Variants in SYNE1 observed in about 807,000 individuals in gnomAD.
The protein encoded by SYNE1 is nesprin-1.
Under a neutral mutation model 1,111.0 loss-of-function variants are expected in SYNE1, and 616 were observed. The ratio of observed to expected loss-of-function variants is 0.55; its 90% CI spans 0.52 to 0.59. The LOEUF (loss-of-function observed/expected upper bound fraction) is 0.59, where lower values mean the gene tolerates loss of function less well. SYNE1 is among the 20% of genes least tolerant of loss of function. SYNE1 has a pLI of 0.00. For synonymous variants in SYNE1, 3,855 were observed against 3,825.8 expected, an observed-to-expected ratio of 1.01 and a Z score of -0.28; for missense variants, 10,006 against 10,417.0, an observed-to-expected ratio of 0.96 and a Z score of 1.72.
chr6:152,264,885 T>G (rs1302052109), intron 100 of SYNE1, among the ~76,000 whole-genome samples: 1 of 151,946 alleles, frequency 6.6e-6, no homozygotes, highest in Non-Finnish European at 1.5e-5. Context: ...CTGAGAGACA[T>G]GTAGGAAGTT....
chr6:152,244,737 G>A, intron 105 of SYNE1, 81 bp from the exon 106 acceptor site: 1 of 1,558,720 alleles, frequency 6.4e-7, no homozygotes, highest in Non-Finnish European at 8.8e-7. Context: ...ATCTCTTTCT[G>A]TGTTCCTCCT....
intron 121 of SYNE1, among the ~76,000 whole-genome samples, chr6:152,216,838 A>G (rs1371543127): frequency 6.6e-6 from 1 of 152,090 alleles, no homozygotes; most frequent in Admixed American, 6.5e-5. Context: ...GGCGGATCAC[A>G]AGGTCAGGAG....
chr6:152,564,002 T>G (rs957043992), intron 3 of SYNE1, among the ~76,000 whole-genome samples: 8 of 152,090 alleles, frequency 5.3e-5, no homozygotes, highest in African/African-American at 1.9e-4. Context: ...ACATAAAATA[T>G]CAGTTAAAGA....
rs1460449185 is a variant in SYNE1, at chr6:152,145,948, C to T, written c.24976+2097G>A. On this transcript the variant is annotated intron_variant, in intron 137 of 145. Coordinates refer to ENST00000367255, the MANE Select transcript of SYNE1 (RefSeq NM_182961.4). ...TCTGAGGCAGGAGGATCGCTTGAAC[C>T]CGGGAGGTGGAGGTTGCAGTGAGCC... 1.7e-5 allele frequency: 5 copies of T among 286,004 alleles called. 1 individual carries two copies. The highest frequency in any genetic ancestry group is 7.2e-5 in the African/African-American group (3 of 41,418). The allele number at this position is 286,004 out of a possible 1,614,324, so 17.7% of individuals were successfully genotyped here.
rs562917207 is a variant in SYNE1 at position 152,277,106 on chromosome 6, G to A, written c.18573+983C>T. The stretch of plus-strand genomic sequence containing the variant: ...GGGGTTTCACCGTGTTAGCCAGGAT[G>A]GTCTCCATCTCCTGACTTCATGATC... On this transcript the variant is annotated intron_variant, in intron 98 of 145. Coordinates refer to ENST00000367255, the MANE Select transcript of SYNE1 (RefSeq NM_182961.4). Among the ~76,000 whole-genome samples the A allele has an allele frequency of 2.2e-4, 33 of 151,394 alleles. No individual in the cohort carries two copies. In the East Asian group the frequency reaches 6.2e-3, roughly 29 times the overall value.
rs146807361 is a variant in SYNE1, at chr6:152,416,474, T to C, written c.5963A>G (p.Glu1988Gly). 34 of 1,614,050 alleles carry C rather than the reference T, an allele frequency of 2.1e-5. No individual in the cohort carries two copies. The African/African-American group carries it at 3.9e-4, about 18-fold the overall frequency. The change falls in exon 41 of 146, where the codon GAG (glutamate) becomes GGG (glycine). Residue 1988 changes from glutamate (E) to glycine (G), a missense_variant. Coordinates refer to ENST00000367255, the MANE Select transcript of SYNE1 (RefSeq NM_182961.4). ...GTCCTCAATGCTTTTCAGAAGCTCC[T>C]CTTTCTGGTCTTGGAATGCTTTTTT... ...VLKKAFQDQK[E>G]ELLKSIEDIE...
rs567602020 is a variant in SYNE1, at chr6:152,378,846, C to G, written c.9010-1934G>C. Among the ~76,000 whole-genome samples the G allele has an allele frequency of 2.6e-4, 40 of 152,308 alleles. No individual in the cohort carries two copies. In the South Asian group the frequency reaches 8.3e-3, roughly 32 times the overall value. Reference sequence around the variant, plus strand: ...ACATTGGCTTTATGCTTGCGTATCTCCCCACCTAGGCTGTGATTATGAGAG... The same window carrying G: ...ACATTGGCTTTATGCTTGCGTATCTGCCCACCTAGGCTGTGATTATGAGAG... On this transcript the variant is annotated intron_variant, in intron 56 of 145. Transcript: ENST00000367255.
chr6:152,349,874 C>G (rs1207376821), intron 72 of SYNE1, among the ~76,000 whole-genome samples: 1 of 152,162 alleles, frequency 6.6e-6, no homozygotes, highest in Non-Finnish European at 1.5e-5. Context: ...CTTCTGTTGT[C>G]TGCTGCCATG....
chr6:152,268,558 T>C (rs1464617247), intron 99 of SYNE1, among the ~76,000 whole-genome samples: 3 of 152,144 alleles, frequency 2.0e-5, no homozygotes, highest in Non-Finnish European at 4.4e-5. Context: ...ATAAATTAGG[T>C]TATCAATAGA....
chr6:152,397,071 C>T (rs2097744064), intron 49 of SYNE1, 91 bp from the exon 50 acceptor site: 2 of 1,360,764 alleles, frequency 1.5e-6, no homozygotes, highest in South Asian at 1.2e-5. Flanking sequence ...AAACAGAGTC[C>T]AAAGGAAAAT....
At position 152,135,190 on chromosome 6, in the gene SYNE1, T is replaced by C. The variant is rs766268918; in HGVS notation, c.25702A>G (p.Asn8568Asp). ...ATTTCATTTTTCCTTCTGTCAATGT[T>C]CTCCAGCATAAGAAGCAAACCATGG... ...MSHGLLLMLE[N>D]IDRRKNEIVP... The change falls in exon 142 of 146, where the codon AAC becomes GAC. Residue 8568 changes from asparagine to aspartate, a missense_variant. By Grantham distance (23) the Asn-to-Asp change is conservative (BLOSUM62 1). Coordinates refer to ENST00000367255, the MANE Select transcript of SYNE1 (RefSeq NM_182961.4). 6.2e-7 allele frequency: 1 copy of C among 1,613,968 alleles called. No homozygotes were observed. Among genetic ancestry groups the C allele is most frequent in the East Asian group, 2.2e-5 (1 of 44,874 alleles).
chr6:152,518,575 G>C (rs1401496557), intron 6 of SYNE1, among the ~76,000 whole-genome samples: 3 of 152,032 alleles, frequency 2.0e-5, no homozygotes, highest in African/African-American at 7.3e-5. Flanking sequence ...GCAGAACCAT[G>C]AGCCAATTAA....
intron 11 of SYNE1, among the ~76,000 whole-genome samples, chr6:152,493,169 T>G (rs1411407402): frequency 6.6e-6 from 1 of 152,082 alleles, no homozygotes; most frequent in Non-Finnish European, 1.5e-5. Flanking sequence ...CATTAAAATC[T>G]AATCATCCTT....
At chr6:152,277,793 T>TG in intron 98 of SYNE1, 1 of 467,294 alleles carries the variant, frequency 2.1e-6, no homozygotes, top group South Asian at 2.0e-5. Context: ...TGGAGTAGCC[T>TG]TTACTTTCCC....
chr6:152,255,509 T>C, intron 103 of SYNE1, 82 bp downstream of exon 103: 1 of 1,463,026 alleles, frequency 6.8e-7, no homozygotes, highest in Non-Finnish European at 9.6e-7. Context: ...TGACTTTCTT[T>C]ATGCATAAAA....
intron 25 of SYNE1, chr6:152,453,313 G>T (rs1174899595): frequency 3.3e-6 from 2 of 598,888 alleles, no homozygotes; most frequent in Admixed American, 6.0e-5. Flanking sequence ...TAAGTTAAAT[G>T]TTCTTGCACC....
At chr6:152,497,162 G>T (rs943460164) in intron 11 of SYNE1, among the ~76,000 whole-genome samples, 2 of 152,116 alleles carry the variant, frequency 1.3e-5, no homozygotes, top group South Asian at 4.1e-4. Context: ...ACATGGACAC[G>T]TTTGACACTC....
chr6:152,242,882 G>T (rs542628738), intron 106 of SYNE1, among the ~76,000 whole-genome samples: 10 of 151,942 alleles, frequency 6.6e-5, no homozygotes, highest in Non-Finnish European at 1.3e-4. Flanking sequence ...AAATAATGTG[G>T]AAACAACTCA....
chr6:152,534,914 TA>T (rs2099226798), intron 4 of SYNE1, among the ~76,000 whole-genome samples: 1 of 152,248 alleles, frequency 6.6e-6, no homozygotes, highest in South Asian at 2.1e-4. Flanking sequence ...ATGTTCCTTT[TA>T]AAAGACTGTA....
Sources: allele counts gnomAD v4.1 joint callset (sites outside exome capture counted in the v4.1 genomes callset), GRCh38; gene constraint gnomAD v4.1.1; transcripts MANE v1.5; gene names NCBI Gene and HGNC (gene_info 2026-07-23, HGNC 2026-07-21).